Variants in SGSH observed in about 807,000 individuals in gnomAD.
SGSH encodes heparan sulfate sulfatase.
In SGSH, 48 loss-of-function variants were observed where a neutral mutation model predicts 51.0. That is an observed-to-expected ratio of 0.94 (90% CI 0.75 to 1.20). The LOEUF is 1.20. Ranked by LOEUF, SGSH falls within the 50% of genes most tolerant of loss-of-function variation. SGSH has a pLI of 0.00. For synonymous variants in SGSH, 321 were observed against 313.4 expected (o/e 1.02, Z -0.26); for missense variants, 662 against 717.8 (o/e 0.92, Z 0.89).
rs374255942 is a variant in SGSH at position 80,213,739 on chromosome 17, C to T, written c.745+65G>A. On this transcript the variant is annotated intron_variant, in intron 6 of 7. Coordinates refer to ENST00000326317, the MANE Select transcript of SGSH (RefSeq NM_000199.5). The surrounding 1 kb of genome is among the most constrained non-coding windows in gnomAD (Gnocchi z 4.6). Reference sequence around the variant, plus strand: ...CACATTATGCCGTGACCTAAGAGGGCGCTGGCCCAGGATGGGGGACCCCGG... The same window carrying T: ...CACATTATGCCGTGACCTAAGAGGGTGCTGGCCCAGGATGGGGGACCCCGG... 154 of 1,371,386 alleles carry T rather than the reference C, an allele frequency of 1.1e-4. No homozygotes were observed. The highest frequency in any genetic ancestry group is 6.9e-4 in the East Asian group (29 of 42,224). The allele number at this position is 1,371,386 out of a possible 1,614,324, so 85.0% of individuals were successfully genotyped here.
intron 2 of SGSH, among the ~76,000 whole-genome samples, chr17:80,216,464 T>A (rs1053975997): frequency 6.6e-6 from 1 of 152,092 alleles, no homozygotes; most frequent in Non-Finnish European, 1.5e-5. Flanking sequence ...TTTGGGTAGA[T>A]GGAAAAGTTC....
chr17:80,202,685 C>T (rs1374152350), downstream of SGSH: 14 of 1,181,304 alleles, frequency 1.2e-5, no homozygotes, highest in South Asian at 3.5e-5. Flanking sequence ...GTACCATGGA[C>T]GTTTGGGGCT....
chr17:80,215,696 G>A (rs2041865458), intron 2 of SGSH, among the ~76,000 whole-genome samples: 1 of 152,164 alleles, frequency 6.6e-6, no homozygotes. Flanking sequence ...GCGGGCGCCT[G>A]TAGTCCCAGC....
chr17:80,205,673 G>A (rs1212887550), downstream of SGSH: 2 of 1,535,162 alleles, frequency 1.3e-6, no homozygotes, highest in East Asian at 2.4e-5. Flanking sequence ...GGGCGGGGTG[G>A]GCAGGGGAGC....
At chr17:80,201,440 C>CTTTCT in the SGSH span, 22,759 of 369,484 alleles carry the variant, frequency 0.062, 796 homozygotes, top group South Asian at 0.096. The surrounding 1 kb of genome is among the most constrained non-coding windows in gnomAD (Gnocchi z 5.0). Flanking sequence ...AACCGAGGTT[C>CTTTCT]TTTCTTTTCT....
chr17:80,201,604 T>G, the SGSH span: 1 of 824,262 alleles, frequency 1.2e-6, no homozygotes, highest in Non-Finnish European at 2.1e-6. The surrounding 1 kb of genome is among the most constrained non-coding windows in gnomAD (Gnocchi z 5.0). Context: ...TGTGTGGCTT[T>G]GTTTTGACCA....
rs1427385274 is a variant in SGSH at position 80,211,048 on chromosome 17, T to C, written c.950-37A>G. ...GCGGCATCTCAGAGCAGCAGAGCCCTCAGCACACAGGAGCTGCCCTCGGAA... is the reference window on the plus strand; with the variant it reads ...GCGGCATCTCAGAGCAGCAGAGCCCCCAGCACACAGGAGCTGCCCTCGGAA... On this transcript the variant is annotated intron_variant, in intron 7 of 7. Transcript: ENST00000326317. The C allele has an allele frequency of 1.9e-6, 3 of 1,597,326 alleles. No homozygotes were observed. In the African/African-American group the frequency reaches 4.0e-5, roughly 21 times the overall value.
At chr17:80,214,963 C>T (rs1470045721) in intron 3 of SGSH, 70 bp downstream of exon 3, 91 of 1,437,362 alleles carry the variant, frequency 6.3e-5, no homozygotes, top group Non-Finnish European at 7.7e-5. Context: ...TACAAGGTGC[C>T]GAACCTCCTG....
downstream of SGSH, chr17:80,207,987 G>C: frequency 3.8e-6 from 2 of 532,000 alleles, no homozygotes; most frequent in Non-Finnish European, 6.5e-6. Context: ...CCCACCACTG[G>C]GGCCTGGGGC....
At chr17:80,214,918 C>CT (rs1197540602) in intron 3 of SGSH, 115 bp downstream of exon 3, 14 of 1,298,364 alleles carry the variant, frequency 1.1e-5, no homozygotes, top group Non-Finnish European at 1.4e-5. Flanking sequence ...GGGACAAGAG[C>CT]TAAGGGCAGG....
chr17:80,213,826 G>A lies in SGSH; in HGVS notation c.723C>T (p.Thr241=), dbSNP rs1438215615. Reference sequence around the variant, plus strand: ...CACCTTGGTCCATGCGGCCGACGGTGGTGTACTGAGCGGCCAGGTCGGCTC... The same window carrying A: ...CACCTTGGTCCATGCGGCCGACGGTAGTGTACTGAGCGGCCAGGTCGGCTC... ...AARADLAAQY[T]TVGRMDQGVG... is the part of the protein sequence containing the mutation. Residue 241 remains threonine, a synonymous_variant, in exon 6 of 8, where the codon ACC becomes ACT. Transcript: ENST00000326317. The surrounding 1 kb of genome is among the most constrained non-coding windows in gnomAD (Gnocchi z 4.6). 6.2e-7 allele frequency: 1 copy of A among 1,607,480 alleles called. No homozygotes were observed. The highest frequency in any genetic ancestry group is 1.1e-5 in the South Asian group (1 of 89,908).
Position 80,214,653 on chromosome 17 carries a change from C to CT in SGSH, c.467dup (p.Leu157AlafsTer12). 1 of 1,613,498 alleles carries CT rather than the reference C, an allele frequency of 6.2e-7. No individual in the cohort carries two copies. The highest frequency in any genetic ancestry group is 8.5e-7 in the Non-Finnish European group (1 of 1,180,010). ...TCTGCAGGAATTTCCGGACGAGCAG[C>CT]TTAATTCTAGTGATGTTCCGCCCCA... On this transcript the variant is annotated frameshift_variant, in exon 4 of 8. Coordinates refer to ENST00000326317, the MANE Select transcript of SGSH (RefSeq NM_000199.5). LOFTEE classifies it high-confidence loss of function.
At chr17:80,211,549 A>T in intron 7 of SGSH, 1 of 270,076 alleles carries the variant, frequency 3.7e-6, no homozygotes, top group South Asian at 4.0e-5. Flanking sequence ...CACATCCATA[A>T]CATGGGACTA....
chr17:80,205,567 A>G (rs529691290), downstream of SGSH: 10 of 1,581,770 alleles, frequency 6.3e-6, no homozygotes, highest in African/African-American at 8.1e-5. Flanking sequence ...GCCTGGAGCC[A>G]GAGAGGGGAC....
Position 80,212,268 on chromosome 17 carries a change from C to G in SGSH, c.752G>C (p.Gly251Ala), listed in dbSNP as rs144461610. The G allele has an allele frequency of 8.5e-4, 1,367 of 1,607,388 alleles. 12 individuals are homozygous for G. Among genetic ancestry groups the G allele is most frequent in the Non-Finnish European group, 3.2e-4 (371 of 1,177,330 alleles). ...TTVGRMDQGV[G>A]LVLQELRDAG... ...GTCACGCAGCTCCTGGAGCACCAGT[C>G]CAACTCCTGTGGTGAGGGGCCGAGA... Residue 251 changes from glycine (G) to alanine (A), a missense_variant, in exon 7 of 8, where the codon GGA becomes GCA. Coordinates refer to ENST00000326317, the MANE Select transcript of SGSH (RefSeq NM_000199.5). This position sits in a 1 kb window ranked among gnomAD's most constrained non-coding sequence, Gnocchi z 5.9.
At position 80,210,506 on chromosome 17, in the gene SGSH, G is replaced by A. The variant is rs757563981; in HGVS notation, c.1455C>T (p.Gly485=). The A allele has an allele frequency of 1.9e-5, 31 of 1,607,016 alleles. No homozygotes were observed. Among genetic ancestry groups the A allele is most frequent in the Non-Finnish European group, 2.5e-5 (29 of 1,179,284 alleles). ...GGGGAGAGAGCTTCTCCTCCAGGAC[G>A]CCGTCGGGGGCGCACACCCAGGGGT... The part of the protein sequence containing the change: ...THDPWVCAPD[G]VLEEKLSPQC... Residue 485 remains glycine, a synonymous_variant, in exon 8 of 8, where the codon GGC becomes GGT. Coordinates refer to ENST00000326317, the MANE Select transcript of SGSH (RefSeq NM_000199.5).
chr17:80,204,266 A>G, downstream of SGSH: 2 of 1,599,574 alleles, frequency 1.3e-6, no homozygotes, highest in Admixed American at 1.7e-5. Flanking sequence ...CCGCATCGTC[A>G]GTATGGACAA....
At chr17:80,207,348 C>T (rs980902328), downstream of SGSH, among the ~76,000 whole-genome samples, 21 of 152,194 alleles carry the variant, frequency 1.4e-4, no homozygotes, top group African/African-American at 4.6e-4. Flanking sequence ...GTCAGCAGTT[C>T]GAGACCAGCC....
chr17:80,204,344 G>A (rs371430475), downstream of SGSH: 1 of 1,553,410 alleles, frequency 6.4e-7, no homozygotes. Flanking sequence ...GATGGAGGGT[G>A]AGGCCTGGTG....
Sources: gnomAD v4.1 joint callset for allele counts (sites outside exome capture counted in the v4.1 genomes callset) on GRCh38, gnomAD v4.1.1 for gene constraint, Gnocchi (gnomAD v3.1) non-coding constraint, MANE v1.5 for transcripts, NCBI Gene and HGNC (gene_info 2026-07-23, HGNC 2026-07-21) for gene names.